Variants in CHID1 observed in about 807,000 individuals in gnomAD.
The protein encoded by CHID1 is chitinase domain containing 1, also known as chitinase domain-containing protein 1.
In CHID1, 44 loss-of-function variants were observed where a neutral mutation model predicts 55.4. The ratio of observed to expected loss-of-function variants is 0.79; its 90% CI spans 0.62 to 1.02. The LOEUF (loss-of-function observed/expected upper bound fraction) is 1.02. Ranked by LOEUF, CHID1 falls within the 50% of genes least tolerant of loss-of-function variation. CHID1 has a pLI of 0.00. For missense variants in CHID1, 491 were observed against 515.3 expected (o/e 0.95, Z 0.46); for synonymous variants, 216 against 212.9 (o/e 1.01, Z -0.13).
At chr11:914,796 G>C, upstream of CHID1, 1 of 345,808 alleles carries the variant, frequency 2.9e-6, no homozygotes, top group South Asian at 2.2e-5. Flanking sequence ...GGCTGGGTTT[G>C]TGTCTTCCCC....
chr11:908,483 C>T (rs890325871), intron 1 of CHID1: 1 of 712,220 alleles, frequency 1.4e-6, no homozygotes, highest in Admixed American at 6.3e-5. Context: ...GCAACAGCCC[C>T]AGGGAAGGTG....
At chr11:905,667 TC>T in intron 1 of CHID1, among the ~76,000 whole-genome samples, 1 of 145,854 alleles carries the variant, frequency 6.9e-6, no homozygotes, top group African/African-American at 2.6e-5. Context: ...AGACTCCATC[TC>T]AAAAAAAAAA....
chr11:910,744 A>C, intron 1 of CHID1, 31 bp downstream of exon 1: 3 of 1,213,792 alleles, frequency 2.5e-6, no homozygotes, highest in Non-Finnish European at 3.1e-6. Context: ...TGCAAGGAGG[A>C]GGAGCAGGGG....
At chr11:894,768 C>T (rs1257765030) in intron 7 of CHID1, among the ~76,000 whole-genome samples, 1 of 152,186 alleles carries the variant, frequency 6.6e-6, no homozygotes, top group Non-Finnish European at 1.5e-5. Context: ...GTGACGGTTC[C>T]TCAGCCAGTA....
chr11:882,186 G>T (rs1440407383), intron 10 of CHID1: 2 of 152,116 alleles, frequency 1.3e-5, no homozygotes, highest in Non-Finnish European at 2.9e-5. Context: ...TTAGCAGGGC[G>T]CGGTGGCAGA....
intron 7 of CHID1, among the ~76,000 whole-genome samples, chr11:897,024 T>G (rs1487228196): frequency 1.6e-5 from 1 of 63,400 alleles, no homozygotes; most frequent in Non-Finnish European, 3.0e-5. Flanking sequence ...ACCCCCAGCC[T>G]CCACCCGACA....
chr11:910,226 C>T (rs966270582), intron 1 of CHID1, among the ~76,000 whole-genome samples: 1 of 152,088 alleles, frequency 6.6e-6, no homozygotes, highest in African/African-American at 2.4e-5. Flanking sequence ...TGGGGCTGAA[C>T]CAAGGGTGGG....
At chr11:910,139 G>A (rs1354140682) in intron 1 of CHID1, among the ~76,000 whole-genome samples, 1 of 151,970 alleles carries the variant, frequency 6.6e-6, no homozygotes, top group Non-Finnish European at 1.5e-5. Flanking sequence ...GAGATTACTA[G>A]AGCCCAGGAA....
chr11:884,241 G>A (rs770104137), intron 8 of CHID1, 72 bp from the exon 9 acceptor site: 330 of 1,201,214 alleles, frequency 2.7e-4, no homozygotes, highest in Middle Eastern at 4.8e-4. Context: ...TGCGGTTCGA[G>A]CAAGCTGCCT....
chr11:886,350 T>A (rs985997403), intron 8 of CHID1, among the ~76,000 whole-genome samples: 1 of 151,114 alleles, frequency 6.6e-6, no homozygotes, highest in African/African-American at 2.4e-5. Flanking sequence ...TCCCAGCTAC[T>A]TGGGGGGCTG....
intron 1 of CHID1, among the ~76,000 whole-genome samples, chr11:910,165 C>T (rs1852552630): frequency 6.6e-6 from 1 of 151,428 alleles, no homozygotes; most frequent in African/African-American, 2.4e-5. Context: ...GGCGGACGGG[C>T]GGGCGGGTCA....
chr11:881,129 C>T (rs1413883765), intron 10 of CHID1, among the ~76,000 whole-genome samples: 2 of 152,126 alleles, frequency 1.3e-5, no homozygotes, highest in Admixed American at 1.3e-4. Context: ...TAAAGGGGAC[C>T]CCAAGCAAGC....
At chr11:902,451 C>G in intron 3 of CHID1, 121 bp from the exon 4 acceptor site, 1 of 1,096,034 alleles carries the variant, frequency 9.1e-7, no homozygotes, top group East Asian at 2.4e-5. Flanking sequence ...AGATACCAGC[C>G]CGGACTGACA....
At chr11:878,794 C>T (rs917581576) in intron 10 of CHID1, among the ~76,000 whole-genome samples, 4 of 151,582 alleles carry the variant, frequency 2.6e-5, no homozygotes, top group African/African-American at 4.8e-5. Context: ...GTCTGCCTCC[C>T]GGGTCCAAGT....
intron 1 of CHID1, 44 bp from the exon 2 acceptor site, chr11:904,903 G>A (rs754820103): frequency 1.3e-5 from 20 of 1,598,692 alleles, no homozygotes; most frequent in Non-Finnish European, 1.6e-5. Flanking sequence ...GCAGAGAAAT[G>A]CAGCACATGG....
At chr11:892,221 G>A (rs562454352) in intron 8 of CHID1, among the ~76,000 whole-genome samples, 1 of 152,372 alleles carries the variant, frequency 6.6e-6, no homozygotes, top group African/African-American at 2.4e-5. Context: ...CGGGGAGGCT[G>A]AGGTTGCTGG....
chr11:870,101 A>G lies in CHID1; in HGVS notation c.1083+20T>C. On this transcript the variant is annotated intron_variant, in intron 12 of 12. Coordinates refer to ENST00000323578, the MANE Select transcript of CHID1 (RefSeq NM_023947.4). ...CATGGCCCACCCCTCCCCCGGTCCC[A>G]CGGCTGGCAGCACACGCACCTTCAG... 1 of 1,612,448 alleles carries G rather than the reference A, an allele frequency of 6.2e-7. No homozygotes were observed. The highest frequency in any genetic ancestry group is 8.5e-7 in the Non-Finnish European group (1 of 1,179,796).
At chr11:906,897 G>A (rs1283999791) in intron 1 of CHID1, among the ~76,000 whole-genome samples, 2 of 152,014 alleles carry the variant, frequency 1.3e-5, no homozygotes, top group African/African-American at 4.8e-5. Context: ...GCGTGCTGGC[G>A]CATGCCTGTA....
At chr11:890,950 C>T (rs957482347) in intron 8 of CHID1, among the ~76,000 whole-genome samples, 23 of 152,296 alleles carry the variant, frequency 1.5e-4, no homozygotes, top group African/African-American at 4.3e-4. Flanking sequence ...ACAGACAGTG[C>T]CCCTGGAGAG....
Sources: gnomAD v4.1 joint callset for allele counts (sites outside exome capture counted in the v4.1 genomes callset) on GRCh38, gnomAD v4.1.1 for gene constraint, MANE v1.5 for transcripts, NCBI Gene and HGNC (gene_info 2026-07-23, HGNC 2026-07-21) for gene names.